PDE11A: variants seen among roughly 807,000 people sequenced by gnomAD.
The protein encoded by PDE11A is dual 3',5'-cyclic-AMP and -GMP phosphodiesterase 11A.
PDE11A carries 100 observed loss-of-function variants against 100.5 expected under a neutral mutation model. The ratio of observed to expected loss-of-function variants is 1.00; its 90% CI spans 0.85 to 1.18. The LOEUF is 1.18. Ranked by LOEUF, PDE11A falls within the 50% of genes most tolerant of loss-of-function variation. The pLI is 0.00. For synonymous variants in PDE11A, 381 were observed against 420.8 expected, an observed-to-expected ratio of 0.91 and a Z score of 1.16; for missense variants, 1,141 against 1,152.6, an observed-to-expected ratio of 0.99 and a Z score of 0.15.
rs141060350 is a variant in PDE11A at position 177,827,169 on chromosome 2, C to T, written c.1501-6874G>A. Among the ~76,000 whole-genome samples, 90 of 152,116 alleles carry T rather than the reference C, an allele frequency of 5.9e-4. 1 individual carries two copies. The highest frequency in any genetic ancestry group is 2.1e-3 in the African/African-American group (86 of 41,482). ...CCCATTATCCTTAAGTGCTACATGA[C>T]GAGGATAAGTAATATTGAGTTGTCT... On this transcript the variant is annotated intron_variant, in intron 6 of 19. Transcript: ENST00000286063.
chr2:177,972,922 G>C (rs1389193191), intron 2 of PDE11A, among the ~76,000 whole-genome samples: 1 of 152,220 alleles, frequency 6.6e-6, no homozygotes, highest in East Asian at 1.9e-4. Context: ...TTGTGCCTAT[G>C]ATAACAGCTC....
chr2:177,871,734 C>T (rs1245569770), intron 5 of PDE11A, among the ~76,000 whole-genome samples: 1 of 151,768 alleles, frequency 6.6e-6, no homozygotes, highest in Admixed American at 6.6e-5. Flanking sequence ...GTGGCATGCA[C>T]TTGCAGTCCT....
chr2:178,048,477 T>C (rs1209112024), intron 1 of PDE11A, among the ~76,000 whole-genome samples: 2 of 152,088 alleles, frequency 1.3e-5, no homozygotes, highest in African/African-American at 2.4e-5. Context: ...CCTTAACCCG[T>C]CCACCCTTTG....
chr2:178,088,470 C>G (rs907276779), intron 2 of PDE11A, among the ~76,000 whole-genome samples: 3 of 152,194 alleles, frequency 2.0e-5, no homozygotes, highest in Non-Finnish European at 4.4e-5. Flanking sequence ...ACTCACTAGT[C>G]TAAAAAAATT....
intron 6 of PDE11A, among the ~76,000 whole-genome samples, chr2:177,835,444 T>A (rs1016346497): frequency 2.0e-5 from 3 of 152,152 alleles, no homozygotes; most frequent in African/African-American, 7.2e-5. Context: ...TCCTCCAAAC[T>A]GGGAAAAGTT....
intron 9 of PDE11A, among the ~76,000 whole-genome samples, chr2:177,781,876 G>A (rs2105518871): frequency 6.6e-6 from 1 of 152,272 alleles, no homozygotes; most frequent in South Asian, 2.1e-4. Context: ...AAGGTATGAA[G>A]CCAACTCTCC....
At chr2:177,836,578 G>T (rs2083403698) in intron 6 of PDE11A, among the ~76,000 whole-genome samples, 2 of 152,214 alleles carry the variant, frequency 1.3e-5, no homozygotes, top group Admixed American at 1.3e-4. Flanking sequence ...GGAGCCAACA[G>T]TGGCAACCCG....
At chr2:178,031,099 A>G (rs183954670) in intron 1 of PDE11A, among the ~76,000 whole-genome samples, 4 of 152,346 alleles carry the variant, frequency 2.6e-5, no homozygotes, top group Non-Finnish European at 5.9e-5. Flanking sequence ...ATAAAGGCAG[A>G]AAAAGTTAAT....
At chr2:177,833,785 T>C (rs1052509830) in intron 6 of PDE11A, among the ~76,000 whole-genome samples, 3 of 152,142 alleles carry the variant, frequency 2.0e-5, no homozygotes, top group Non-Finnish European at 4.4e-5. Context: ...AGAATAGATA[T>C]TAGTGATAGA....
At chr2:177,821,776 T>C (rs769734681) in intron 6 of PDE11A, among the ~76,000 whole-genome samples, 1 of 151,876 alleles carries the variant, frequency 6.6e-6, no homozygotes, top group Non-Finnish European at 1.5e-5. Context: ...TTATTAATAA[T>C]ATGCCTTTCA....
At chr2:177,707,649 G>C (rs1373556263) in intron 13 of PDE11A, among the ~76,000 whole-genome samples, 2 of 152,030 alleles carry the variant, frequency 1.3e-5, no homozygotes, top group Non-Finnish European at 2.9e-5. Context: ...AAATCTGCAT[G>C]AGCCTGCAGC....
intron 19 of PDE11A, among the ~76,000 whole-genome samples, chr2:177,634,075 T>C (rs1241241589): frequency 1.3e-5 from 2 of 152,190 alleles, no homozygotes; most frequent in African/African-American, 4.8e-5. Flanking sequence ...CTAAATTACA[T>C]TCATAGCACC....
At position 177,827,936 on chromosome 2, in the gene PDE11A, T is replaced by C. The variant is rs192170396; in HGVS notation, c.1501-7641A>G. Among the ~76,000 whole-genome samples the C allele has an allele frequency of 5.0e-4, 76 of 152,290 alleles. 2 individuals carry two copies. Among genetic ancestry groups the C allele is most frequent in the African/African-American group, 1.7e-3 (70 of 41,568 alleles). ...CCCAAGAAACAGAGGCAAAGGCGAATAGAAAATAATCCATCTGAATTCCCC... is the reference window on the plus strand; with the variant it reads ...CCCAAGAAACAGAGGCAAAGGCGAACAGAAAATAATCCATCTGAATTCCCC... On this transcript the variant is annotated intron_variant, in intron 6 of 19. Transcript: ENST00000286063.
chr2:177,903,131 T>G (rs2084724892), intron 3 of PDE11A, among the ~76,000 whole-genome samples: 2 of 152,142 alleles, frequency 1.3e-5, no homozygotes, highest in Admixed American at 6.5e-5. Context: ...ACTCTTCCCC[T>G]TTCTCTCTGC....
intron 1 of PDE11A, among the ~76,000 whole-genome samples, chr2:178,045,879 C>T (rs748871134): frequency 6.6e-6 from 1 of 152,170 alleles, no homozygotes; most frequent in African/African-American, 2.4e-5. Context: ...ATCAAGGAGC[C>T]GCCTTCTTTC....
At chr2:177,827,488 G>T (rs1460458194) in intron 6 of PDE11A, among the ~76,000 whole-genome samples, 1 of 152,144 alleles carries the variant, frequency 6.6e-6, no homozygotes, top group African/African-American at 2.4e-5. Flanking sequence ...GAGTCCAAGT[G>T]TTCATTCTTA....
At chr2:177,901,183 A>C (rs1301558826) in intron 3 of PDE11A, among the ~76,000 whole-genome samples, 1 of 151,924 alleles carries the variant, frequency 6.6e-6, no homozygotes, top group Non-Finnish European at 1.5e-5. Flanking sequence ...TATTTTGCAG[A>C]CCCCGTACCT....
chr2:177,883,110 A>G (rs188012368), intron 4 of PDE11A, among the ~76,000 whole-genome samples: 3 of 152,210 alleles, frequency 2.0e-5, no homozygotes, highest in Admixed American at 6.5e-5. Flanking sequence ...CTCTATTAAA[A>G]ATACAAAAAT....
intron 19 of PDE11A, among the ~76,000 whole-genome samples, chr2:177,639,085 G>T (rs12616288): frequency 0.61 from 92,978 of 151,350 alleles, 32,287 homozygotes; most frequent in Non-Finnish European, 0.75. Context: ...CAAGATCACT[G>T]GGCTCTGCCT....
Sources: gnomAD v4.1 joint callset for allele counts (sites outside exome capture counted in the v4.1 genomes callset) on GRCh38, gnomAD v4.1.1 for gene constraint, MANE v1.5 for transcripts, NCBI Gene and HGNC (gene_info 2026-07-23, HGNC 2026-07-21) for gene names.